CNOT11: variants seen among roughly 807,000 people sequenced by gnomAD.
CNOT11 encodes UPF0760 protein C2orf29.
Under a neutral mutation model 44.6 loss-of-function variants are expected in CNOT11, and 18 were observed. The ratio of observed to expected loss-of-function variants is 0.40; its 90% CI spans 0.28 to 0.60. The LOEUF is 0.60. Ranked by LOEUF, CNOT11 falls within the 20% of genes least tolerant of loss-of-function variation. The pLI, the probability that CNOT11 is intolerant of heterozygous loss-of-function variation, is 0.38. For synonymous variants in CNOT11, 291 were observed against 270.9 expected (o/e 1.07, Z -0.73); for missense variants, 513 against 677.0 (o/e 0.76, Z 2.69).
chr2:101,266,956 T>C (rs1682002300), intron 5 of CNOT11, 77 bp downstream of exon 5: 8 of 1,087,788 alleles, frequency 7.4e-6, no homozygotes, highest in Non-Finnish European at 9.7e-6. Context: ...TGTAACAGAT[T>C]TTTGTCTTGA....
chr2:101,258,807 CTG>C (rs1681788909), intron 2 of CNOT11, among the ~76,000 whole-genome samples: 1 of 127,866 alleles, frequency 7.8e-6, no homozygotes, highest in South Asian at 2.8e-4. Flanking sequence ...GGGCGAGAGT[CTG>C]TCTCAAAAAA....
Position 101,263,059 on chromosome 2 carries a change from T to G in CNOT11, c.832+368T>G, listed in dbSNP as rs113605658. On this transcript the variant is annotated intron_variant, in intron 3 of 6. Transcript: ENST00000289382. ...CAACATGGTGAAACCCCATCTCTAC[T>G]AAAAATAAAAAATTAGCCGAGTGTA... 5.0e-3 allele frequency among the ~76,000 whole-genome samples: 760 copies of G among 152,098 alleles called. 10 individuals carry two copies. Among genetic ancestry groups the G allele is most frequent in the African/African-American group, 0.017 (719 of 41,510 alleles).
rs1681656221 is a variant in CNOT11, at chr2:101,253,064, T to C, written c.100T>C (p.Phe34Leu). ...EAAGSASRSGFGGSGGGRGGA... is the reference protein window; with the variant it reads ...EAAGSASRSGLGGSGGGRGGA... ...GGCAGGGTCGGCGTCCAGGAGCGGCTTCGGGGGCTCCGGCGGCGGCAGAGG... is the reference window on the plus strand; with the variant it reads ...GGCAGGGTCGGCGTCCAGGAGCGGCCTCGGGGGCTCCGGCGGCGGCAGAGG... Residue 34 changes from phenylalanine to leucine, a missense_variant, in exon 1 of 7, where the codon TTC (phenylalanine) becomes CTC (leucine). Around this residue, in one of 4 missense-constraint regions of CNOT11, gnomAD observed 259 missense variants for 265.7 expected, o/e 0.97. Coordinates refer to ENST00000289382, the MANE Select transcript of CNOT11 (RefSeq NM_017546.5). This position sits in a 1 kb window ranked among gnomAD's most constrained non-coding sequence, Gnocchi z 4.3. The C allele has an allele frequency of 6.6e-7, 1 of 1,516,640 alleles. No homozygotes were observed. The highest frequency in any genetic ancestry group is 8.8e-7 in the Non-Finnish European group (1 of 1,138,010). 93.9% of individuals were successfully genotyped at this position (1,516,640 alleles called of 1,614,324 possible).
intron 2 of CNOT11, among the ~76,000 whole-genome samples, chr2:101,259,220 T>C (rs995803777): frequency 1.3e-5 from 2 of 152,218 alleles, no homozygotes; most frequent in African/African-American, 4.8e-5. Flanking sequence ...ATTTCTGGGC[T>C]TTCTATTCCA....
intron 5 of CNOT11, among the ~76,000 whole-genome samples, chr2:101,267,348 T>G (rs1286580325): frequency 2.0e-5 from 3 of 152,048 alleles, no homozygotes; most frequent in African/African-American, 7.2e-5. Flanking sequence ...GTCTCGAACT[T>G]CTGACCTCAA....
At chr2:101,263,896 A>AC (rs1558768801) in intron 3 of CNOT11, among the ~76,000 whole-genome samples, 1 of 152,202 alleles carries the variant, frequency 6.6e-6, no homozygotes, top group African/African-American at 2.4e-5. Context: ...CCTCGCAAGA[A>AC]CTCTCTATCA....
Position 101,269,143 on chromosome 2 carries a change from T to C in CNOT11, c.1335+7T>C. 3 of 1,594,514 alleles carry C rather than the reference T, an allele frequency of 1.9e-6. No homozygotes were observed. Among genetic ancestry groups the C allele is most frequent in the Non-Finnish European group, 2.6e-6 (3 of 1,169,014 alleles). ...TAAGGATAAATATATGCAGGTAATATAAATTTTTGTAAATTTTATAAATGG... is the reference window on the plus strand; with the variant it reads ...TAAGGATAAATATATGCAGGTAATACAAATTTTTGTAAATTTTATAAATGG... On this transcript the variant is annotated splice_region_variant and intron_variant, in intron 6 of 6. Transcript: ENST00000289382. The surrounding 1 kb of genome is among the most constrained non-coding windows in gnomAD (Gnocchi z 4.8).
At chr2:101,263,014 G>A (rs1434673814) in intron 3 of CNOT11, among the ~76,000 whole-genome samples, 2 of 152,170 alleles carry the variant, frequency 1.3e-5, no homozygotes, top group African/African-American at 4.8e-5. Flanking sequence ...TTGAGGTCAG[G>A]AGTTCTAGAG....
intron 5 of CNOT11, 112 bp from the exon 6 acceptor site, chr2:101,268,928 A>T: frequency 1.5e-6 from 1 of 650,830 alleles, no homozygotes; most frequent in South Asian, 2.1e-5. Context: ...GGAATTGGAT[A>T]TGTCAGAAAA....
chr2:101,258,385 G>T (rs1236614997), intron 2 of CNOT11, among the ~76,000 whole-genome samples: 1 of 146,902 alleles, frequency 6.8e-6, no homozygotes, highest in Non-Finnish European at 1.5e-5. Context: ...GCTACAGTGA[G>T]ACTCCATCTC....
intron 3 of CNOT11, among the ~76,000 whole-genome samples, chr2:101,263,908 A>G (rs1416477102): frequency 1.3e-5 from 2 of 152,248 alleles, no homozygotes; most frequent in Non-Finnish European, 2.9e-5. Context: ...TCTCTATCAC[A>G]TAAGTAGTAT....
At chr2:101,257,291 G>T (rs546116038) in intron 1 of CNOT11, among the ~76,000 whole-genome samples, 19 of 151,844 alleles carry the variant, frequency 1.3e-4, no homozygotes, top group Middle Eastern at 3.4e-3. Context: ...TACTTGGGAG[G>T]CTGAGGCAGG....
chr2:101,253,143 G>A lies in CNOT11; in HGVS notation c.179G>A (p.Arg60Lys). The change falls in exon 1 of 7, where the codon AGG (arginine) becomes AAG (lysine). Residue 60 changes from arginine (R) to lysine (K), a missense_variant. Physicochemically the swap from Arg to Lys is conservative, Grantham distance 26 (BLOSUM62 2). This residue lies in a region of CNOT11 where 259 missense variants were observed against 265.7 expected (regional missense o/e 0.97). Transcript: ENST00000289382. This position sits in a 1 kb window ranked among gnomAD's most constrained non-coding sequence, Gnocchi z 4.3. ...GSGGPGGPAGRMSLTPKELSS... is the reference protein window; with the variant it reads ...GSGGPGGPAGKMSLTPKELSS... ...GGAGGCCCGGGGGGCCCCGCGGGCA[G>A]GATGAGCTTGACCCCGAAGGAGCTC... 6.4e-7 allele frequency: 1 copy of A among 1,572,446 alleles called. No individual in the cohort carries two copies. The highest frequency in any genetic ancestry group is 1.2e-5 in the South Asian group (1 of 85,838).
chr2:101,253,330 G>A lies in CNOT11; in HGVS notation c.366G>A (p.Ala122=). ...LQQPDLLPSA[A]QRLTALYLLW... The stretch of plus-strand genomic sequence containing the variant: ...AGCCCGACCTGCTGCCTAGCGCGGC[G>A]CAGCGCCTCACGGCGCTCTACCTGC... Residue 122 remains alanine (A), a synonymous_variant, in exon 1 of 7, where the codon GCG becomes GCA. Transcript: ENST00000289382. This position sits in a 1 kb window ranked among gnomAD's most constrained non-coding sequence, Gnocchi z 4.3. 6.2e-7 allele frequency: 1 copy of A among 1,605,566 alleles called. No homozygotes were observed.
In CNOT11 at chr2:101,253,001, C is replaced by T; in HGVS notation, c.37C>T (p.Leu13Phe). The change falls in exon 1 of 7, where the codon CTT becomes TTT. Residue 13 changes from leucine (L) to phenylalanine (F), a missense_variant. Leu to Phe is a conservative substitution (Grantham distance 22). Around this residue, in one of 4 missense-constraint regions of CNOT11, gnomAD observed 259 missense variants for 265.7 expected, o/e 0.97. Coordinates refer to ENST00000289382, the MANE Select transcript of CNOT11 (RefSeq NM_017546.5). The surrounding 1 kb of genome is among the most constrained non-coding windows in gnomAD (Gnocchi z 4.3). ...AGGGGCGAGCGCGGCGTCTGGCCGG[C>T]TTCTCACCGCCGCGGAGCAAAGAGG... ...GGGASAASGR[L>F]LTAAEQRGSR... is the part of the protein sequence containing the mutation. 6.7e-7 allele frequency: 1 copy of T among 1,499,022 alleles called. No individual in the cohort carries two copies. The highest frequency in any genetic ancestry group is 8.8e-7 in the Non-Finnish European group (1 of 1,131,288). The allele number at this position is 1,499,022 out of a possible 1,614,324, so 92.9% of individuals were successfully genotyped here.
intron 3 of CNOT11, 28 bp downstream of exon 3, chr2:101,262,719 C>G (rs371963490): frequency 4.4e-5 from 70 of 1,583,486 alleles, no homozygotes; most frequent in Non-Finnish European, 2.2e-5. Flanking sequence ...AATTTATACT[C>G]TTTGTTTTAT....
Position 101,264,838 on chromosome 2 carries a change from A to C in CNOT11, c.833-7A>C. ...GATAGGAGCAACTATCACGGCTCTCATTACAGGCCATTTTCGACCAGAGTT... is the reference window on the plus strand; with the variant it reads ...GATAGGAGCAACTATCACGGCTCTCCTTACAGGCCATTTTCGACCAGAGTT... On this transcript the variant is annotated splice_polypyrimidine_tract_variant and splice_region_variant and intron_variant, in intron 3 of 6. Coordinates refer to ENST00000289382, the MANE Select transcript of CNOT11 (RefSeq NM_017546.5). The C allele has an allele frequency of 1.2e-6, 2 of 1,613,540 alleles. No homozygotes were observed. Among genetic ancestry groups the C allele is most frequent in the Non-Finnish European group, 1.7e-6 (2 of 1,179,560 alleles).
chr2:101,255,029 C>T (rs887763190), intron 1 of CNOT11, among the ~76,000 whole-genome samples: 5 of 152,206 alleles, frequency 3.3e-5, no homozygotes, highest in Non-Finnish European at 7.3e-5. Context: ...TAAACCCACA[C>T]CTAGTCCGTA....
chr2:101,269,014 G>T lies in CNOT11; in HGVS notation c.1239-26G>T. Reference sequence around the variant, plus strand: ...CTCAATGTTAGCAAATGAAATTAATGGGCCAAATTTTCTTTTACGAAACAG... The same window carrying T: ...CTCAATGTTAGCAAATGAAATTAATTGGCCAAATTTTCTTTTACGAAACAG... On this transcript the variant is annotated intron_variant, in intron 5 of 6. Transcript: ENST00000289382. This position sits in a 1 kb window ranked among gnomAD's most constrained non-coding sequence, Gnocchi z 4.8. 1 of 1,445,826 alleles carries T rather than the reference G, an allele frequency of 6.9e-7. No individual in the cohort carries two copies. Among genetic ancestry groups the T allele is most frequent in the South Asian group, 1.2e-5 (1 of 82,970 alleles). The allele number at this position is 1,445,826 out of a possible 1,614,324, so 89.6% of individuals were successfully genotyped here. A position where few individuals can be genotyped will look rare whatever the true frequency, so the allele number is the denominator to read the frequency against.
Sources: allele counts gnomAD v4.1 joint callset (sites outside exome capture counted in the v4.1 genomes callset), GRCh38; gene constraint gnomAD v4.1.1; regional missense constraint gnomAD v4.1.1; non-coding constraint Gnocchi (gnomAD v3.1); transcripts MANE v1.5; gene names NCBI Gene and HGNC (gene_info 2026-07-23, HGNC 2026-07-21).